The following SLC8A1 variants were observed in gnomAD, a reference collection of about 807,000 sequenced individuals.
The protein encoded by SLC8A1 is sodium/calcium exchanger 1.
A neutral mutation model predicts 68.3 loss-of-function variants in SLC8A1; 18 were observed. The ratio of observed to expected loss-of-function variants is 0.26; its 90% CI spans 0.18 to 0.39. The LOEUF (loss-of-function observed/expected upper bound fraction) is 0.39, where lower values mean the gene tolerates loss of function less well. SLC8A1 is among the 10% of genes least tolerant of loss of function. The pLI is 1.00. For synonymous variants in SLC8A1, 475 were observed against 415.5 expected (o/e 1.14, Z -1.74); for missense variants, 985 against 1,156.7 (o/e 0.85, Z 2.15).
At chr2:40,407,538 T>G (rs1690748819) in intron 2 of SLC8A1, among the ~76,000 whole-genome samples, 1 of 152,210 alleles carries the variant, frequency 6.6e-6, no homozygotes. Context: ...TATGAATTTT[T>G]AATCCTCCAC....
intron 1 of SLC8A1, among the ~76,000 whole-genome samples, chr2:40,488,965 A>G (rs889673467): frequency 6.6e-6 from 1 of 152,162 alleles, no homozygotes; most frequent in African/African-American, 2.4e-5. Flanking sequence ...GAAGTAGAAT[A>G]TCTGTTTCAG....
At chr2:40,206,145 G>C (rs934109177) in intron 2 of SLC8A1, among the ~76,000 whole-genome samples, 1 of 152,040 alleles carries the variant, frequency 6.6e-6, no homozygotes, top group African/African-American at 2.4e-5. Flanking sequence ...TCAACAAATG[G>C]ATAGAAGCTA....
intron 7 of SLC8A1, among the ~76,000 whole-genome samples, chr2:40,123,588 A>T (rs1303254715): frequency 6.6e-6 from 1 of 152,092 alleles, no homozygotes; most frequent in Non-Finnish European, 1.5e-5. Context: ...GGCTGTCTTT[A>T]TAGTACTTTA....
chr2:40,185,716 C>A (rs7602377), intron 2 of SLC8A1, among the ~76,000 whole-genome samples: 3 of 152,084 alleles, frequency 2.0e-5, no homozygotes, highest in African/African-American at 4.8e-5. Flanking sequence ...AAAAACCCAA[C>A]TAATTGTATA....
chr2:40,265,168 G>T (rs2149110238), intron 2 of SLC8A1, among the ~76,000 whole-genome samples: 2 of 152,300 alleles, frequency 1.3e-5, no homozygotes, highest in East Asian at 3.9e-4. Flanking sequence ...GGACAATGTA[G>T]AGTAGACGAT....
At chr2:40,302,761 T>C (rs1390078389) in intron 2 of SLC8A1, among the ~76,000 whole-genome samples, 1 of 151,888 alleles carries the variant, frequency 6.6e-6, no homozygotes, top group African/African-American at 2.4e-5. Context: ...TACCCAGGAG[T>C]GGAATTACTG....
At chr2:40,461,869 A>T (rs1306777621) in intron 1 of SLC8A1, among the ~76,000 whole-genome samples, 9 of 152,164 alleles carry the variant, frequency 5.9e-5, no homozygotes, top group Admixed American at 5.9e-4. Context: ...AAACTAAAAC[A>T]CTATACATTC....
At chr2:40,183,591 T>C (rs1182996320) in intron 2 of SLC8A1, among the ~76,000 whole-genome samples, 1 of 152,156 alleles carries the variant, frequency 6.6e-6, no homozygotes, top group Admixed American at 6.5e-5. Flanking sequence ...AATCATAGGC[T>C]CCATCCAGGC....
intron 1 of SLC8A1, among the ~76,000 whole-genome samples, chr2:40,457,952 G>A (rs781683084): frequency 6.6e-6 from 1 of 152,132 alleles, no homozygotes; most frequent in African/African-American, 2.4e-5. Flanking sequence ...GCATGTATCA[G>A]CTGGGTTATT....
At chr2:40,469,086 C>A (rs189540293) in intron 1 of SLC8A1, among the ~76,000 whole-genome samples, 3 of 152,188 alleles carry the variant, frequency 2.0e-5, no homozygotes, top group East Asian at 3.9e-4. Flanking sequence ...CATCAAAGAT[C>A]CCTGATGGTC....
intron 2 of SLC8A1, chr2:40,250,863 A>G (rs891337115): frequency 3.3e-5 from 5 of 152,184 alleles, no homozygotes; most frequent in Admixed American, 6.5e-5. Flanking sequence ...AAGTACCTGT[A>G]ACTGTTCTGT....
chr2:40,206,478 ATAACCT>A (rs2055472930), intron 2 of SLC8A1, among the ~76,000 whole-genome samples: 1 of 152,090 alleles, frequency 6.6e-6, no homozygotes, highest in Admixed American at 6.6e-5. Context: ...AAAATGAAGG[ATAACCT>A]TAAGGATTCT....
intron 2 of SLC8A1, among the ~76,000 whole-genome samples, chr2:40,332,186 C>T (rs1015737314): frequency 2.0e-5 from 3 of 152,078 alleles, no homozygotes; most frequent in Non-Finnish European, 4.4e-5. Context: ...TATTTTATTT[C>T]TAAACTTTGA....
chr2:40,457,816 T>A (rs1292843830), intron 1 of SLC8A1, among the ~76,000 whole-genome samples: 3 of 152,220 alleles, frequency 2.0e-5, no homozygotes, highest in African/African-American at 7.2e-5. Context: ...CATTAACATT[T>A]TTTGCCACCT....
At chr2:40,399,428 C>T (rs956926402) in intron 2 of SLC8A1, among the ~76,000 whole-genome samples, 10 of 152,146 alleles carry the variant, frequency 6.6e-5, no homozygotes, top group Non-Finnish European at 1.5e-4. Context: ...TGCAACCTTG[C>T]TGCAGCTTAG....
intron 2 of SLC8A1, among the ~76,000 whole-genome samples, chr2:40,424,248 T>G (rs1049812865): frequency 3.3e-5 from 5 of 151,830 alleles, no homozygotes; most frequent in African/African-American, 1.2e-4. Context: ...CAAATTTTCT[T>G]AATATCTTCA....
intron 2 of SLC8A1, among the ~76,000 whole-genome samples, chr2:40,296,316 T>C (rs2149250639): frequency 1.3e-5 from 2 of 152,248 alleles, no homozygotes; most frequent in Middle Eastern, 3.4e-3. Context: ...GACATTTCCT[T>C]CTTCTGAGCA....
rs942574338 is a variant in SLC8A1 at position 40,121,559 on chromosome 2, A to G, written c.2438-5930T>C. ...TTTTAAACCCTATTCCAGCTACCCT[A>G]AAAGGCCAAATGAGGGGGAATTACC... On this transcript the variant is annotated intron_variant, in intron 7 of 7. Coordinates refer to ENST00000406785, the Ensembl canonical transcript of SLC8A1. Among the ~76,000 whole-genome samples, 45 of 152,250 alleles carry G rather than the reference A, an allele frequency of 3.0e-4. 1 individual carries two copies. Among genetic ancestry groups the G allele is most frequent in the African/African-American group, 1.1e-3 (44 of 41,540 alleles).
chr2:40,416,186 A>T (rs151261307), intron 2 of SLC8A1, among the ~76,000 whole-genome samples: 1 of 151,820 alleles, frequency 6.6e-6, no homozygotes, highest in Non-Finnish European at 1.5e-5. Flanking sequence ...GCCCTCTTTT[A>T]CTCACAAAAG....
Sources: gnomAD v4.1 joint callset for allele counts (sites outside exome capture counted in the v4.1 genomes callset) on GRCh38, gnomAD v4.1.1 for gene constraint, MANE v1.5 for transcripts, NCBI Gene and HGNC (gene_info 2026-07-23, HGNC 2026-07-21) for gene names.